Variants in GRM1 observed in about 807,000 individuals in gnomAD.
GRM1 encodes glutamate metabotropic receptor 1, also known as metabotropic glutamate receptor 1.
A neutral mutation model predicts 90.9 loss-of-function variants in GRM1; 33 were observed. The ratio of observed to expected loss-of-function variants is 0.36; its 90% CI spans 0.28 to 0.49. The LOEUF (loss-of-function observed/expected upper bound fraction) is 0.49. GRM1 is among the 20% of genes least tolerant of loss of function. The pLI is 0.99. For missense variants in GRM1, 1,190 were observed against 1,534.3 expected (o/e 0.78, Z 3.75); for synonymous variants, 700 against 613.2 (o/e 1.14, Z -2.09).
intron 2 of GRM1, among the ~76,000 whole-genome samples, chr6:146,189,581 A>C (rs564864427): frequency 1.6e-4 from 24 of 152,272 alleles, no homozygotes; most frequent in African/African-American, 5.8e-4. Context: ...AGAGGTCTTT[A>C]TATATCCCAA....
intron 6 of GRM1, among the ~76,000 whole-genome samples, chr6:146,390,266 T>G (rs1016574156): frequency 1.3e-5 from 2 of 152,070 alleles, no homozygotes; most frequent in African/African-American, 2.4e-5. Context: ...AGGTTTACTG[T>G]GGTTTTTATT....
At chr6:146,346,622 C>A (rs1333052264) in intron 3 of GRM1, among the ~76,000 whole-genome samples, 2 of 152,060 alleles carry the variant, frequency 1.3e-5, no homozygotes, top group African/African-American at 4.8e-5. Flanking sequence ...ACTTTAGCAG[C>A]CAGGCCTCCA....
intron 2 of GRM1, among the ~76,000 whole-genome samples, chr6:146,254,709 T>G (rs1395073026): frequency 6.6e-6 from 1 of 152,220 alleles, no homozygotes; most frequent in Non-Finnish European, 1.5e-5. Context: ...TAAATTGATT[T>G]CATAACTTAT....
intron 2 of GRM1, among the ~76,000 whole-genome samples, chr6:146,244,984 A>G (rs1296905662): frequency 6.6e-6 from 1 of 152,174 alleles, no homozygotes; most frequent in Non-Finnish European, 1.5e-5. Context: ...TCTGTTCTCA[A>G]CTTAATTGAT....
chr6:146,052,531 G>A (rs1454832774), intron 1 of GRM1, among the ~76,000 whole-genome samples: 2 of 151,884 alleles, frequency 1.3e-5, no homozygotes, highest in Non-Finnish European at 2.9e-5. Flanking sequence ...AAATGTATAG[G>A]GTGAGTCTGC....
chr6:146,249,546 T>A (rs1781198739), intron 2 of GRM1, among the ~76,000 whole-genome samples: 1 of 152,130 alleles, frequency 6.6e-6, no homozygotes, highest in South Asian at 2.1e-4. Context: ...AATTGTGGTT[T>A]GGGAACTTGC....
chr6:146,395,655 A>C (rs1020514164), intron 6 of GRM1, among the ~76,000 whole-genome samples: 2 of 152,112 alleles, frequency 1.3e-5, no homozygotes, highest in Non-Finnish European at 2.9e-5. Context: ...GTATTCATGA[A>C]GTTTAGGAAA....
chr6:146,378,836 T>G (rs7758008), intron 5 of GRM1, among the ~76,000 whole-genome samples: 69,791 of 151,864 alleles, frequency 0.46, 16,233 homozygotes, highest in African/African-American at 0.54. Context: ...AATCATGAGG[T>G]CCAGTCTTTC....
At chr6:146,129,376 C>G (rs1031036430) in intron 1 of GRM1, among the ~76,000 whole-genome samples, 6 of 152,054 alleles carry the variant, frequency 3.9e-5, no homozygotes, top group Non-Finnish European at 5.9e-5. Context: ...TTAAACAAGA[C>G]AAAGAATTCC....
At chr6:146,414,692 A>G (rs1015621719) in intron 7 of GRM1, among the ~76,000 whole-genome samples, 3 of 152,178 alleles carry the variant, frequency 2.0e-5, no homozygotes, top group African/African-American at 4.8e-5. Flanking sequence ...GTGAGCCACC[A>G]CACCTGGCCT....
In GRM1 at chr6:146,159,517, C is replaced by T. The variant is rs749080627; in HGVS notation, c.870C>T (p.Phe290=). The T allele has an allele frequency of 1.2e-6, 2 of 1,614,154 alleles. No individual in the cohort carries two copies. The highest frequency in any genetic ancestry group is 1.7e-6 in the Non-Finnish European group (2 of 1,180,010). ...CCAAGGCTAGAGTGGTGGTCTGCTTCTGTGAAGGCATGACAGTGCGAGGAC... is the reference window on the plus strand; with the variant it reads ...CCAAGGCTAGAGTGGTGGTCTGCTTTTGTGAAGGCATGACAGTGCGAGGAC... The part of the protein sequence containing the change: ...RLPKARVVVC[F]CEGMTVRGLL... The change falls in exon 2 of 8, where the codon TTC becomes TTT. Residue 290 remains phenylalanine (F), a synonymous_variant. Coordinates refer to ENST00000282753, the MANE Select transcript of GRM1 (RefSeq NM_001278064.2).
intron 2 of GRM1, among the ~76,000 whole-genome samples, chr6:146,184,316 A>C (rs1371627088): frequency 6.6e-6 from 1 of 152,122 alleles, no homozygotes; most frequent in African/African-American, 2.4e-5. Flanking sequence ...CCAACTTCCC[A>C]AACATGTTTA....
intron 2 of GRM1, among the ~76,000 whole-genome samples, chr6:146,281,998 A>G (rs117691491): frequency 6.6e-6 from 1 of 152,298 alleles, no homozygotes; most frequent in East Asian, 1.9e-4. Flanking sequence ...GCAGTCAATA[A>G]TTCTAAATCC....
chr6:146,143,128 G>A (rs1303108428), intron 1 of GRM1, among the ~76,000 whole-genome samples: 1 of 152,144 alleles, frequency 6.6e-6, no homozygotes, highest in Non-Finnish European at 1.5e-5. Flanking sequence ...CTCCAGGACT[G>A]GGTCCTTCCC....
At chr6:146,419,291 T>C (rs1453453202) in intron 7 of GRM1, among the ~76,000 whole-genome samples, 1 of 152,162 alleles carries the variant, frequency 6.6e-6, no homozygotes, top group African/African-American at 2.4e-5. Flanking sequence ...TTGTTTTGGA[T>C]AGCATGAAAG....
At chr6:146,339,954 C>T (rs1483020770) in intron 3 of GRM1, among the ~76,000 whole-genome samples, 2 of 152,200 alleles carry the variant, frequency 1.3e-5, no homozygotes, top group African/African-American at 2.4e-5. Context: ...GCTTTTCCTC[C>T]TTAATGAACA....
At chr6:146,315,595 T>C (rs1417150151) in intron 3 of GRM1, among the ~76,000 whole-genome samples, 1 of 152,170 alleles carries the variant, frequency 6.6e-6, no homozygotes, top group African/African-American at 2.4e-5. Flanking sequence ...CGGGAAAGCT[T>C]TTACACAAAA....
At chr6:146,161,763 G>A (rs190198013) in intron 2 of GRM1, among the ~76,000 whole-genome samples, 1 of 152,286 alleles carries the variant, frequency 6.6e-6, no homozygotes, top group South Asian at 2.1e-4. Context: ...TATCAAAATG[G>A]TGTTGGCGTT....
intron 3 of GRM1, among the ~76,000 whole-genome samples, chr6:146,316,767 G>A (rs541569142): frequency 6.6e-6 from 1 of 152,136 alleles, no homozygotes; most frequent in East Asian, 1.9e-4. Context: ...AGGGCCGGGG[G>A]ACTGTCTTTT....
Sources: allele counts gnomAD v4.1 joint callset (sites outside exome capture counted in the v4.1 genomes callset), GRCh38; gene constraint gnomAD v4.1.1; transcripts MANE v1.5; gene names NCBI Gene and HGNC (gene_info 2026-07-23, HGNC 2026-07-21).